The following TMEM170A variants were observed in gnomAD, a reference collection of about 807,000 sequenced individuals.
TMEM170A encodes the protein transmembrane protein 170.
TMEM170A carries 18 observed loss-of-function variants against 12.8 expected under a neutral mutation model. The ratio of observed to expected loss-of-function variants is 1.41; its 90% CI spans 0.97 to 2.09. The LOEUF is 2.09. Ranked by LOEUF, TMEM170A falls within the 30% of genes most tolerant of loss-of-function variation. TMEM170A has a pLI of 0.00. For synonymous variants in TMEM170A, 107 were observed against 76.2 expected (o/e 1.40, Z -2.11); for missense variants, 220 against 179.9 (o/e 1.22, Z -1.28).
chr16:75,460,785 G>T (rs1361688262), intron 1 of TMEM170A, among the ~76,000 whole-genome samples: 1 of 152,158 alleles, frequency 6.6e-6, no homozygotes, highest in Non-Finnish European at 1.5e-5. Flanking sequence ...AATCAACACT[G>T]AGCAAATATT....
chr16:75,445,202 T>C lies in TMEM170A; in HGVS notation c.*2356A>G, dbSNP rs530731262. On this transcript the variant is annotated 3_prime_UTR_variant, in exon 3 of 3. Transcript: ENST00000561878. ...TTACAATTTGCCTGTGAGAAAGATT[T>C]GAGCTTCTTGTTAGGGAATTTGTAA... 3 of 152,380 alleles carry C rather than the reference T, an allele frequency of 2.0e-5. No individual in the cohort carries two copies. Among genetic ancestry groups the C allele is most frequent in the African/African-American group, 7.2e-5 (3 of 41,590 alleles). The allele number at this position is 152,380 out of a possible 1,614,324, so 9.4% of individuals were successfully genotyped here. A position where few individuals can be genotyped will look rare whatever the true frequency, so the allele number is the denominator to read the frequency against.
chr16:75,449,270 C>T (rs931591679), intron 2 of TMEM170A, among the ~76,000 whole-genome samples: 7 of 151,684 alleles, frequency 4.6e-5, no homozygotes, highest in African/African-American at 1.7e-4. Flanking sequence ...GCTGGGGACA[C>T]AAGACAGAAA....
At chr16:75,460,415 G>T (rs1363318996) in intron 1 of TMEM170A, among the ~76,000 whole-genome samples, 1 of 152,020 alleles carries the variant, frequency 6.6e-6, no homozygotes, top group Non-Finnish European at 1.5e-5. Flanking sequence ...GTGCGTTGCC[G>T]ACACAGTCCC....
chr16:75,451,367 G>A (rs2079678090), intron 2 of TMEM170A: 6 of 482,654 alleles, frequency 1.2e-5, no homozygotes, highest in South Asian at 3.0e-5. Flanking sequence ...GCAACATGAC[G>A]AAACCCTGTC....
At chr16:75,448,317 T>A (rs2079623533) in intron 2 of TMEM170A, among the ~76,000 whole-genome samples, 1 of 152,212 alleles carries the variant, frequency 6.6e-6, no homozygotes, top group Non-Finnish European at 1.5e-5. Flanking sequence ...TCATTGATTG[T>A]TTTTATTACG....
At chr16:75,462,627 T>C (rs1250008103) in intron 1 of TMEM170A, among the ~76,000 whole-genome samples, 1 of 152,230 alleles carries the variant, frequency 6.6e-6, no homozygotes, top group African/African-American at 2.4e-5. Flanking sequence ...TGAACCTAGA[T>C]TGTAAAACAG....
rs750894569 is a variant in TMEM170A, at chr16:75,444,610, ATT to A, written c.*2946_*2947del. On this transcript the variant is annotated 3_prime_UTR_variant, in exon 3 of 3. Transcript: ENST00000561878. ...AGTGACCACCCCCAAATAATTCTAT[ATT>A]TGAGACATAAAAAAGAAAATCAAAG... 5.3e-5 allele frequency: 8 copies of A among 152,182 alleles called. No individual in the cohort carries two copies. Among genetic ancestry groups the A allele is most frequent in the Non-Finnish European group, 1.0e-4 (7 of 68,034 alleles). The allele number at this position is 152,182 out of a possible 1,614,324, so 9.4% of individuals were successfully genotyped here.
Position 75,446,731 on chromosome 16 carries a change from G to C in TMEM170A, c.*827C>G, listed in dbSNP as rs1053487809. On this transcript the variant is annotated 3_prime_UTR_variant, in exon 3 of 3. Transcript: ENST00000561878. ...TGTGCCTCAATGTCCAAACAAATCT[G>C]GCTTAAAATTTCCAACTCAAGCCAT... is the stretch of plus-strand genomic sequence containing the variant. The C allele has an allele frequency of 6.6e-6, 1 of 152,070 alleles. No homozygotes were observed. The highest frequency in any genetic ancestry group is 1.5e-5 in the Non-Finnish European group (1 of 68,022). 9.4% of individuals were successfully genotyped at this position (152,070 alleles called of 1,614,324 possible).
chr16:75,453,384 A>C (rs187014367), intron 1 of TMEM170A, among the ~76,000 whole-genome samples: 1 of 152,222 alleles, frequency 6.6e-6, no homozygotes. Flanking sequence ...CAGTAAGTCA[A>C]GATCATGCTA....
intron 2 of TMEM170A, among the ~76,000 whole-genome samples, chr16:75,448,544 T>C (rs1307680989): frequency 6.6e-6 from 1 of 151,974 alleles, no homozygotes; most frequent in Non-Finnish European, 1.5e-5. Context: ...GGGTGGATCA[T>C]CTGAGCTCAG....
intron 1 of TMEM170A, among the ~76,000 whole-genome samples, chr16:75,457,500 G>C (rs1046166210): frequency 6.6e-6 from 1 of 152,130 alleles, no homozygotes; most frequent in Admixed American, 6.6e-5. Flanking sequence ...TCAGGAAGAG[G>C]GTCTTCACCA....
chr16:75,462,345 C>A (rs937073305), intron 1 of TMEM170A, among the ~76,000 whole-genome samples: 1 of 152,146 alleles, frequency 6.6e-6, no homozygotes, highest in South Asian at 2.1e-4. Flanking sequence ...TCAGCCTCCC[C>A]AGTAGCTGGG....
At chr16:75,453,715 G>A (rs1292619951) in intron 1 of TMEM170A, among the ~76,000 whole-genome samples, 1 of 152,216 alleles carries the variant, frequency 6.6e-6, no homozygotes, top group African/African-American at 2.4e-5. Context: ...TTGGCTTGAA[G>A]ACAAATGGCA....
intron 1 of TMEM170A, among the ~76,000 whole-genome samples, chr16:75,460,369 T>G (rs1490176577): frequency 6.6e-6 from 1 of 152,164 alleles, no homozygotes; most frequent in East Asian, 1.9e-4. Context: ...AATTCCCCAG[T>G]AGAGCCCTCC....
At chr16:75,456,933 C>T (rs891735745) in intron 1 of TMEM170A, among the ~76,000 whole-genome samples, 2 of 152,212 alleles carry the variant, frequency 1.3e-5, no homozygotes, top group Admixed American at 6.5e-5. Context: ...TCTTCTATCC[C>T]GAGTCCTCAC....
intron 1 of TMEM170A, 133 bp downstream of exon 1, chr16:75,464,335 C>T (rs1184836660): frequency 2.2e-6 from 3 of 1,390,470 alleles, no homozygotes; most frequent in African/African-American, 1.5e-5. Flanking sequence ...AGCAGCACGG[C>T]CCCCCTCCCG....
chr16:75,446,739 A>T lies in TMEM170A; in HGVS notation c.*819T>A, dbSNP rs1447799960. On this transcript the variant is annotated 3_prime_UTR_variant, in exon 3 of 3. Coordinates refer to ENST00000561878, the MANE Select transcript of TMEM170A (RefSeq NM_145254.3). ...AATGTCCAAACAAATCTGGCTTAAA[A>T]TTTCCAACTCAAGCCATTTAATAGG... 6.6e-6 allele frequency: 1 copy of T among 152,236 alleles called. No individual in the cohort carries two copies. The allele number at this position is 152,236 out of a possible 1,614,324, so 9.4% of individuals were successfully genotyped here.
chr16:75,454,266 A>G (rs1461626112), intron 1 of TMEM170A, among the ~76,000 whole-genome samples: 1 of 151,656 alleles, frequency 6.6e-6, no homozygotes, highest in Admixed American at 6.6e-5. Flanking sequence ...AATGTCCCCA[A>G]GGGGGCAAAA....
At chr16:75,452,097 G>A (rs1005289421) in intron 1 of TMEM170A, among the ~76,000 whole-genome samples, 47 of 151,846 alleles carry the variant, frequency 3.1e-4, no homozygotes, top group East Asian at 7.8e-4. Context: ...TCAGCCTCCC[G>A]AGTAGCTGGG....
Sources: gnomAD v4.1 joint callset for allele counts (sites outside exome capture counted in the v4.1 genomes callset) on GRCh38, gnomAD v4.1.1 for gene constraint, MANE v1.5 for transcripts, NCBI Gene and HGNC (gene_info 2026-07-23, HGNC 2026-07-21) for gene names.